PPP3R1: variants seen among roughly 807,000 people sequenced by gnomAD.
PPP3R1 encodes protein phosphatase 3 regulatory subunit B, alpha, also known as calcineurin subunit B type 1.
Under a neutral mutation model 22.6 loss-of-function variants are expected in PPP3R1, and 5 were observed. That is an observed-to-expected ratio of 0.22 (90% CI 0.12 to 0.46). PPP3R1 has a LOEUF of 0.46. Ranked by LOEUF, PPP3R1 falls within the 20% of genes least tolerant of loss-of-function variation. The pLI is 0.99. For synonymous variants in PPP3R1, 56 were observed against 65.2 expected, an observed-to-expected ratio of 0.86 and a Z score of 0.68; for missense variants, 61 against 203.2, an observed-to-expected ratio of 0.30 and a Z score of 4.25.
intron 2 of PPP3R1, among the ~76,000 whole-genome samples, chr2:68,208,487 T>A (rs1669382543): frequency 6.6e-6 from 1 of 152,234 alleles, no homozygotes; most frequent in African/African-American, 2.4e-5. Flanking sequence ...TAATAAAAAC[T>A]GCTGGCAAGC....
At chr2:68,242,424 T>TAA (rs879324913) in intron 1 of PPP3R1, among the ~76,000 whole-genome samples, 2 of 128,006 alleles carry the variant, frequency 1.6e-5, no homozygotes, top group Admixed American at 8.0e-5. Flanking sequence ...AGACTCCGTC[T>TAA]AAAAAAAAAA....
At chr2:68,223,143 C>T (rs1029449858) in intron 1 of PPP3R1, among the ~76,000 whole-genome samples, 1 of 152,170 alleles carries the variant, frequency 6.6e-6, no homozygotes, top group Non-Finnish European at 1.5e-5. Context: ...CGCCTATAAT[C>T]CTAACACTTG....
At chr2:68,224,427 G>A (rs989816215) in intron 1 of PPP3R1, among the ~76,000 whole-genome samples, 2 of 152,128 alleles carry the variant, frequency 1.3e-5, no homozygotes, top group Non-Finnish European at 2.9e-5. Flanking sequence ...TTGGGAGGCC[G>A]AGGCGAGTGG....
chr2:68,248,964 A>C (rs1288759488), intron 1 of PPP3R1, among the ~76,000 whole-genome samples: 1 of 152,192 alleles, frequency 6.6e-6, no homozygotes, highest in Non-Finnish European at 1.5e-5. Flanking sequence ...AATATCCTCC[A>C]CAACAGAGAG....
chr2:68,239,589 A>T (rs572846075), intron 1 of PPP3R1, among the ~76,000 whole-genome samples: 17 of 152,296 alleles, frequency 1.1e-4, no homozygotes, highest in African/African-American at 4.1e-4. Context: ...AGTAAGCAGA[A>T]CTATGGACTG....
chr2:68,240,872 A>G (rs1387319050), intron 1 of PPP3R1, among the ~76,000 whole-genome samples: 1 of 152,218 alleles, frequency 6.6e-6, no homozygotes, highest in African/African-American at 2.4e-5. Flanking sequence ...TATTTGAGAG[A>G]GTCTTGGACC....
chr2:68,229,283 G>A (rs971667976), intron 1 of PPP3R1, among the ~76,000 whole-genome samples: 4 of 151,930 alleles, frequency 2.6e-5, no homozygotes, highest in African/African-American at 9.7e-5. Context: ...AAGCATTTAG[G>A]ATTATAGGCA....
chr2:68,181,668 T>C (rs1168318381), intron 5 of PPP3R1, among the ~76,000 whole-genome samples: 1 of 151,310 alleles, frequency 6.6e-6, no homozygotes, highest in African/African-American at 2.4e-5. Flanking sequence ...AAACAGGCTA[T>C]GGGCAGGATC....
intron 1 of PPP3R1, among the ~76,000 whole-genome samples, chr2:68,222,225 T>G (rs1346775219): frequency 6.6e-6 from 1 of 152,164 alleles, no homozygotes; most frequent in Non-Finnish European, 1.5e-5. Flanking sequence ...GATCTTACAC[T>G]GTAAGAGAAA....
At chr2:68,205,982 C>T (rs1675113419) in intron 2 of PPP3R1, among the ~76,000 whole-genome samples, 2 of 152,060 alleles carry the variant, frequency 1.3e-5, no homozygotes, top group Admixed American at 1.3e-4. Flanking sequence ...CCACACTCGG[C>T]TAATTTTGTA....
At chr2:68,215,974 C>G (rs1479819709) in intron 2 of PPP3R1, among the ~76,000 whole-genome samples, 1 of 152,052 alleles carries the variant, frequency 6.6e-6, no homozygotes, top group Non-Finnish European at 1.5e-5. Flanking sequence ...TTTTATATAT[C>G]AATTAGTTGT....
intron 2 of PPP3R1, among the ~76,000 whole-genome samples, chr2:68,193,001 T>C (rs947195833): frequency 2.3e-4 from 35 of 152,186 alleles, no homozygotes; most frequent in African/African-American, 8.2e-4. Flanking sequence ...AGAAAGGGGT[T>C]ACTAATGATT....
intron 2 of PPP3R1, among the ~76,000 whole-genome samples, chr2:68,208,205 C>T (rs1211520183): frequency 6.6e-6 from 1 of 152,194 alleles, no homozygotes; most frequent in Non-Finnish European, 1.5e-5. Flanking sequence ...TATAGATCTA[C>T]ATAACACCCA....
intron 2 of PPP3R1, among the ~76,000 whole-genome samples, chr2:68,196,935 G>C (rs2103735811): frequency 6.6e-6 from 1 of 152,250 alleles, no homozygotes; most frequent in East Asian, 1.9e-4. Flanking sequence ...ATGTTGGCCA[G>C]TCTGGTCTTG....
chr2:68,198,322 TAC>T (rs1674861924), intron 2 of PPP3R1, among the ~76,000 whole-genome samples: 2 of 121,502 alleles, frequency 1.6e-5, no homozygotes, highest in Non-Finnish European at 3.6e-5. Flanking sequence ...TATATGTATA[TAC>T]ATATGTACAT....
chr2:68,250,818 C>T (rs1226949828), intron 1 of PPP3R1, among the ~76,000 whole-genome samples: 2 of 133,136 alleles, frequency 1.5e-5, no homozygotes, highest in Non-Finnish European at 3.5e-5. Context: ...AGCTGACTTA[C>T]CTGAATATTC....
chr2:68,184,102 C>T (rs1422334124), intron 5 of PPP3R1, among the ~76,000 whole-genome samples: 1 of 152,194 alleles, frequency 6.6e-6, no homozygotes, highest in Admixed American at 6.5e-5. Flanking sequence ...AGCCTAGAGA[C>T]TCTCCCCAAT....
intron 1 of PPP3R1, among the ~76,000 whole-genome samples, chr2:68,229,408 G>T (rs909521736): frequency 6.6e-6 from 1 of 152,124 alleles, no homozygotes; most frequent in East Asian, 1.9e-4. Context: ...CATAGCACTG[G>T]TTGATTACAT....
intron 1 of PPP3R1, among the ~76,000 whole-genome samples, chr2:68,232,985 T>C (rs1669948889): frequency 6.6e-6 from 1 of 152,210 alleles, no homozygotes; most frequent in African/African-American, 2.4e-5. Flanking sequence ...TCTACTATAA[T>C]CTACTATAAT....
Sources: gnomAD v4.1 joint callset for allele counts (sites outside exome capture counted in the v4.1 genomes callset) on GRCh38, gnomAD v4.1.1 for gene constraint, MANE v1.5 for transcripts, NCBI Gene and HGNC (gene_info 2026-07-23, HGNC 2026-07-21) for gene names.